Variants in FMN2 observed in about 807,000 individuals in gnomAD.
FMN2 encodes the protein formin-2.
FMN2 carries 51 observed loss-of-function variants against 142.3 expected under a neutral mutation model. That is an observed-to-expected ratio of 0.36 (90% CI 0.29 to 0.45). FMN2 has a LOEUF of 0.45. Among genes scored for constraint, FMN2 ranks in the 20% least tolerant of loss-of-function variants. The pLI is 1.00. For missense variants in FMN2, 1,936 were observed against 2,122.8 expected, an observed-to-expected ratio of 0.91 and a Z score of 1.73; for synonymous variants, 882 against 869.8, an observed-to-expected ratio of 1.01 and a Z score of -0.25.
At chr1:240,323,919 C>T (rs1671065256) in intron 8 of FMN2, among the ~76,000 whole-genome samples, 1 of 152,152 alleles carries the variant, frequency 6.6e-6, no homozygotes, top group Non-Finnish European at 1.5e-5. Flanking sequence ...TATCTTTTGC[C>T]CTCGCAGCTC....
chr1:240,289,203 G>A (rs1207334620), intron 7 of FMN2, among the ~76,000 whole-genome samples: 3 of 152,160 alleles, frequency 2.0e-5, no homozygotes, highest in Non-Finnish European at 1.5e-5. Flanking sequence ...TGGGATAAGT[G>A]TTCATGGCTT....
At chr1:240,291,734 A>AT (rs1428652907) in intron 7 of FMN2, among the ~76,000 whole-genome samples, 3 of 146,534 alleles carry the variant, frequency 2.0e-5, no homozygotes, top group East Asian at 3.9e-4. Context: ...GTTGGAATGG[A>AT]TTTTTTGTTT....
At chr1:240,391,527 A>G (rs946096415) in intron 14 of FMN2, among the ~76,000 whole-genome samples, 1 of 152,210 alleles carries the variant, frequency 6.6e-6, no homozygotes, top group Admixed American at 6.5e-5. Context: ...GATAATAAAA[A>G]GACAACTTCT....
rs185777421 is a variant in FMN2 at position 240,170,657 on chromosome 1, T to C, written c.1783-7264T>C. On this transcript the variant is annotated intron_variant, in intron 2 of 17. Transcript: ENST00000319653. ...ATCTCTGTTGCTAAAATAGATTCTTTAGCACCTTTGGATAAAGTCTGCCTT... is the reference window on the plus strand; with the variant it reads ...ATCTCTGTTGCTAAAATAGATTCTTCAGCACCTTTGGATAAAGTCTGCCTT... The C allele has an allele frequency of 5.0e-5, 78 of 1,573,820 alleles. No homozygotes were observed. The East Asian group carries it at 5.4e-4, about 11-fold the overall frequency.
intron 14 of FMN2, among the ~76,000 whole-genome samples, chr1:240,383,760 G>T (rs924916286): frequency 2.0e-5 from 3 of 151,954 alleles, no homozygotes; most frequent in Middle Eastern, 3.4e-3. Context: ...CAAAAGAGAA[G>T]AAATCATTGT....
At chr1:240,388,567 G>C (rs958522389) in intron 14 of FMN2, among the ~76,000 whole-genome samples, 22 of 152,062 alleles carry the variant, frequency 1.4e-4, no homozygotes, top group Admixed American at 3.9e-4. Flanking sequence ...GATGCCCTTG[G>C]CCAGTGATGT....
At chr1:240,132,472 T>C (rs1002736124) in intron 2 of FMN2, among the ~76,000 whole-genome samples, 1 of 152,138 alleles carries the variant, frequency 6.6e-6, no homozygotes, top group Non-Finnish European at 1.5e-5. Context: ...GTGGAGGTGT[T>C]CTACTCATTC....
At chr1:240,165,865 C>G (rs1357682664) in intron 2 of FMN2, among the ~76,000 whole-genome samples, 1 of 151,876 alleles carries the variant, frequency 6.6e-6, no homozygotes, top group East Asian at 1.9e-4. Context: ...ATTCTAACCC[C>G]AAGTGAGAGG....
chr1:240,379,838 T>C (rs1233032626), intron 14 of FMN2, among the ~76,000 whole-genome samples: 1 of 152,044 alleles, frequency 6.6e-6, no homozygotes, highest in African/African-American at 2.4e-5. Flanking sequence ...ATAAACAAAA[T>C]AGATAGACCA....
At chr1:240,428,899 C>T (rs945641790) in intron 15 of FMN2, among the ~76,000 whole-genome samples, 1 of 152,126 alleles carries the variant, frequency 6.6e-6, no homozygotes, top group Non-Finnish European at 1.5e-5. Flanking sequence ...GTTCCATTGC[C>T]TTGATTGTCT....
At chr1:240,216,112 G>A (rs886683279) in intron 6 of FMN2, among the ~76,000 whole-genome samples, 3 of 152,192 alleles carry the variant, frequency 2.0e-5, no homozygotes, top group Non-Finnish European at 1.5e-5. Flanking sequence ...AAATACATAA[G>A]CTTCCGTAAG....
At chr1:240,374,307 A>G (rs775840224) in intron 14 of FMN2, among the ~76,000 whole-genome samples, 1 of 152,228 alleles carries the variant, frequency 6.6e-6, no homozygotes. Context: ...CACCAGCTGC[A>G]TTAGCCCCTA....
intron 6 of FMN2, among the ~76,000 whole-genome samples, chr1:240,227,662 AT>A (rs1272288068): frequency 2.9e-4 from 44 of 152,290 alleles, no homozygotes; most frequent in African/African-American, 9.1e-4. Context: ...TGGTCTGTTG[AT>A]TTTTGACAAT....
chr1:240,346,830 A>T (rs1671925360), intron 13 of FMN2, among the ~76,000 whole-genome samples: 1 of 152,188 alleles, frequency 6.6e-6, no homozygotes, highest in Non-Finnish European at 1.5e-5. Context: ...ATATAACAGC[A>T]TATTCAAAAA....
chr1:240,434,734 T>TTA, intron 15 of FMN2, among the ~76,000 whole-genome samples: 1 of 150,670 alleles, frequency 6.6e-6, no homozygotes, highest in African/African-American at 2.4e-5. Flanking sequence ...GCTAATTTTT[T>TTA]TTTTTTTTTT....
intron 2 of FMN2, among the ~76,000 whole-genome samples, chr1:240,151,768 CTTTA>C (rs1197634102): frequency 6.6e-6 from 1 of 150,646 alleles, no homozygotes; most frequent in African/African-American, 2.5e-5. Flanking sequence ...TGGACTTTTT[CTTTA>C]TTTTATTTTT....
At chr1:240,214,198 T>G (rs970636232) in intron 6 of FMN2, among the ~76,000 whole-genome samples, 1 of 152,206 alleles carries the variant, frequency 6.6e-6, no homozygotes, top group East Asian at 1.9e-4. Flanking sequence ...GTGTGACACT[T>G]TGACATTAGA....
intron 4 of FMN2, among the ~76,000 whole-genome samples, chr1:240,189,174 T>TA (rs35564573): frequency 0.52 from 75,889 of 146,070 alleles, 19,721 homozygotes; most frequent in Middle Eastern, 0.65. Context: ...GATTTCTTAT[T>TA]AAAAAAAAAA....
In FMN2 at chr1:240,184,520, T is replaced by A. The variant is rs1007744382; in HGVS notation, c.1931-3687T>A. Among the ~76,000 whole-genome samples, 313 of 147,914 alleles carry A rather than the reference T, an allele frequency of 2.1e-3. 2 individuals are homozygous for A. The highest frequency in any genetic ancestry group is 7.7e-3 in the African/African-American group (300 of 39,036). ...TGTGAGCCATTGCGCCCGGCCTGTT[T>A]TTTTTTTTTTTTTTTTTTTAAGAAC... is the stretch of plus-strand genomic sequence containing the variant. On this transcript the variant is annotated intron_variant, in intron 3 of 17. Coordinates refer to ENST00000319653, the MANE Select transcript of FMN2 (RefSeq NM_020066.5).
Sources: gnomAD v4.1 joint callset for allele counts (sites outside exome capture counted in the v4.1 genomes callset) on GRCh38, gnomAD v4.1.1 for gene constraint, MANE v1.5 for transcripts, NCBI Gene and HGNC (gene_info 2026-07-23, HGNC 2026-07-21) for gene names.